The following LSM12 variants were observed in gnomAD, a reference collection of about 807,000 sequenced individuals.
LSM12 encodes the protein LSM12 homolog, also known as protein LSM12.
For synonymous variants in LSM12, 74 were observed against 87.3 expected (o/e 0.85, Z 0.85); for missense variants, 108 against 238.9 (o/e 0.45, Z 3.61).
intron 2 of LSM12, among the ~76,000 whole-genome samples, chr17:44,058,575 G>A (rs2049752799): frequency 6.6e-6 from 1 of 152,122 alleles, no homozygotes; most frequent in South Asian, 2.1e-4. Flanking sequence ...GCTCACGCCT[G>A]TAAACCCAGC....
intron 2 of LSM12, among the ~76,000 whole-genome samples, chr17:44,059,919 C>A (rs1285215701): frequency 6.6e-6 from 1 of 152,140 alleles, no homozygotes; most frequent in Non-Finnish European, 1.5e-5. Flanking sequence ...AATCCCAGCA[C>A]TTTGGGAGGC....
chr17:44,061,993 G>A (rs992093524), intron 2 of LSM12, among the ~76,000 whole-genome samples: 7 of 151,792 alleles, frequency 4.6e-5, no homozygotes, highest in Non-Finnish European at 8.8e-5. Flanking sequence ...AGGCCGAGGC[G>A]GGCGGATCAC....
At chr17:44,055,648 G>C (rs2049702024) in intron 2 of LSM12, among the ~76,000 whole-genome samples, 1 of 148,158 alleles carries the variant, frequency 6.7e-6, no homozygotes, top group Non-Finnish European at 1.5e-5. Context: ...CTGCACTCTA[G>C]CCTGGGTGAG....
chr17:44,037,671 CA>C (rs1198769646), intron 3 of LSM12, 133 bp from the exon 4 acceptor site: 1 of 1,069,582 alleles, frequency 9.3e-7, no homozygotes, highest in Non-Finnish European at 1.3e-6. Flanking sequence ...TAGATGCCAG[CA>C]GCCCATATAG....
chr17:44,043,543 G>A (rs1008448078), intron 2 of LSM12, among the ~76,000 whole-genome samples: 14 of 138,242 alleles, frequency 1.0e-4, no homozygotes, highest in African/African-American at 3.7e-4. Flanking sequence ...ACAAGGAGGA[G>A]TTTCCTTTTT....
chr17:44,059,018 C>A (rs1271186100), intron 2 of LSM12, among the ~76,000 whole-genome samples: 1 of 151,942 alleles, frequency 6.6e-6, no homozygotes, highest in Non-Finnish European at 1.5e-5. Flanking sequence ...ACAAAACAAC[C>A]ACCCAGGTGT....
At chr17:44,066,694 A>C (rs2049885504), upstream of LSM12, 1 of 1,227,640 alleles carries the variant, frequency 8.1e-7, no homozygotes, top group Non-Finnish European at 1.0e-6. Context: ...TGCTTGCGTC[A>C]CACGCCGGGG....
At chr17:44,041,334 A>AAACAC (rs2049491263) in intron 2 of LSM12, among the ~76,000 whole-genome samples, 62 of 104,552 alleles carry the variant, frequency 5.9e-4, no homozygotes, top group South Asian at 1.7e-3. Context: ...CACACACACA[A>AAACAC]ACACACACAC....
chr17:44,039,903 C>A (rs2049465819), intron 3 of LSM12, among the ~76,000 whole-genome samples: 1 of 152,120 alleles, frequency 6.6e-6, no homozygotes, highest in Non-Finnish European at 1.5e-5. Context: ...TAATCTAATC[C>A]AAAACTAAGT....
chr17:44,048,202 C>G (rs1282438483), intron 2 of LSM12, among the ~76,000 whole-genome samples: 1 of 152,014 alleles, frequency 6.6e-6, no homozygotes, highest in Non-Finnish European at 1.5e-5. Flanking sequence ...TTTTTCCAGG[C>G]CAAGAGCAGT....
rs1179179312 is a variant in LSM12 at position 44,064,030 on chromosome 17, G to T, written c.125-96C>A. On this transcript the variant is annotated intron_variant, in intron 1 of 4. Coordinates refer to ENST00000293406, the MANE Select transcript of LSM12 (RefSeq NM_001371445.1). ...AGAAAACACGATTCACACAAGGCTTGTAAAAGGCAGGCCAGGAGCATGAGG... is the reference window on the plus strand; with the variant it reads ...AGAAAACACGATTCACACAAGGCTTTTAAAAGGCAGGCCAGGAGCATGAGG... The T allele has an allele frequency of 3.6e-6, 5 of 1,403,674 alleles. No individual in the cohort carries two copies. The Admixed American group carries it at 1.0e-4, about 29-fold the overall frequency. The allele number at this position is 1,403,674 out of a possible 1,614,324, so 87.0% of individuals were successfully genotyped here.
intron 1 of LSM12, among the ~76,000 whole-genome samples, 165 bp downstream of exon 1, chr17:44,066,299 G>A (rs1485823472): frequency 3.9e-5 from 6 of 152,166 alleles, no homozygotes; most frequent in Non-Finnish European, 8.8e-5. Context: ...AAGGGCCCGC[G>A]GGAGGGGGAG....
chr17:44,046,169 T>C (rs2049561232), intron 2 of LSM12, among the ~76,000 whole-genome samples: 1 of 150,332 alleles, frequency 6.7e-6, no homozygotes, highest in African/African-American at 2.4e-5. Context: ...TCTCCTGACC[T>C]CATGATCCGC....
chr17:44,063,779 A>C, intron 2 of LSM12, 22 bp downstream of exon 2: 1 of 1,605,184 alleles, frequency 6.2e-7, no homozygotes, highest in South Asian at 1.1e-5. Flanking sequence ...TTAGAGAGCC[A>C]GATCTGCCCT....
chr17:44,057,750 C>A (rs2049737206), intron 2 of LSM12, among the ~76,000 whole-genome samples: 1 of 150,796 alleles, frequency 6.6e-6, no homozygotes, highest in Non-Finnish European at 1.5e-5. Context: ...CAGACGGAGA[C>A]TCTGTCTCAA....
At chr17:44,066,761 T>C (rs1178922553), upstream of LSM12, 1 of 770,130 alleles carries the variant, frequency 1.3e-6, no homozygotes, top group Non-Finnish European at 1.7e-6. Flanking sequence ...GAAGAGGAAA[T>C]AAAGGGGAAT....
intron 2 of LSM12, among the ~76,000 whole-genome samples, chr17:44,053,323 C>G (rs2049670644): frequency 6.6e-6 from 1 of 152,118 alleles, no homozygotes; most frequent in African/African-American, 2.4e-5. Flanking sequence ...TAGATGTGAC[C>G]AAGACCATAT....
chr17:44,054,032 G>T (rs988099328), intron 2 of LSM12, among the ~76,000 whole-genome samples: 1 of 152,058 alleles, frequency 6.6e-6, no homozygotes, highest in Non-Finnish European at 1.5e-5. Context: ...CACACCTATG[G>T]CACAACTCTG....
At chr17:44,063,581 C>T (rs1159326956) in intron 2 of LSM12, among the ~76,000 whole-genome samples, 1 of 152,124 alleles carries the variant, frequency 6.6e-6, no homozygotes, top group African/African-American at 2.4e-5. Context: ...CAGAAGCAAG[C>T]TCTCAACTTA....
Sources: allele counts gnomAD v4.1 joint callset (sites outside exome capture counted in the v4.1 genomes callset), GRCh38; gene constraint gnomAD v4.1.1; transcripts MANE v1.5; gene names NCBI Gene and HGNC (gene_info 2026-07-23, HGNC 2026-07-21).